The following GLP2R variants were observed in gnomAD, a reference collection of about 807,000 sequenced individuals.
The protein encoded by GLP2R is glucagon like peptide 2 receptor.
GLP2R carries 59 observed loss-of-function variants against 68.2 expected under a neutral mutation model. The observed-to-expected ratio is 0.87, with a 90% CI of 0.70 to 1.07. The LOEUF is 1.07. GLP2R is among the 50% of genes least tolerant of loss of function. The pLI, the probability that GLP2R is intolerant of heterozygous loss-of-function variation, is 0.00. For synonymous variants in GLP2R, 270 were observed against 265.4 expected (o/e 1.02, Z -0.17); for missense variants, 548 against 677.4 (o/e 0.81, Z 2.12).
At chr17:9,848,412 A>G (rs2066860829) in intron 4 of GLP2R, among the ~76,000 whole-genome samples, 1 of 152,130 alleles carries the variant, frequency 6.6e-6, no homozygotes, top group African/African-American at 2.4e-5. Context: ...ACAAATTCTG[A>G]GCCAATTGGT....
chr17:9,855,997 G>C (rs1475969442), intron 5 of GLP2R, among the ~76,000 whole-genome samples: 1 of 152,176 alleles, frequency 6.6e-6, no homozygotes, highest in African/African-American at 2.4e-5. Context: ...CATAGGTGTG[G>C]GAGACCTGGA....
At chr17:9,851,764 T>C (rs1238292239) in intron 4 of GLP2R, among the ~76,000 whole-genome samples, 2 of 151,998 alleles carry the variant, frequency 1.3e-5, no homozygotes, top group Non-Finnish European at 1.5e-5. Flanking sequence ...ATAGTACATA[T>C]AAAGGTAAAT....
At chr17:9,865,318 G>T (rs10709713) in intron 9 of GLP2R, among the ~76,000 whole-genome samples, 5 of 102,068 alleles carry the variant, frequency 4.9e-5, no homozygotes, top group African/African-American at 1.8e-4. Context: ...GTGATTTTGT[G>T]TGTGTGTGTG....
intron 9 of GLP2R, among the ~76,000 whole-genome samples, chr17:9,863,781 C>T (rs766889051): frequency 1.3e-5 from 2 of 152,216 alleles, no homozygotes; most frequent in Admixed American, 6.5e-5. Flanking sequence ...GGCTTCTGCT[C>T]CAGCCCTAGC....
intron 4 of GLP2R, chr17:9,853,310 G>T (rs2066908580): frequency 4.0e-6 from 1 of 247,004 alleles, no homozygotes; most frequent in East Asian, 9.3e-5. Flanking sequence ...GTCCTCCATG[G>T]GGTGGTGGCA....
Position 9,826,095 on chromosome 17 carries a change from G to A in GLP2R, c.32G>A (p.Gly11Glu). Residue 11 changes from glycine (G) to glutamate (E), a missense_variant, in exon 1 of 13, where the codon GGG becomes GAG. Physicochemically the swap from Gly to Glu is moderately conservative, Grantham distance 98 (BLOSUM62 -2). Transcript: ENST00000262441. ...CTGGGATCGAGCAGGGCAGGGCCTGGGAGAGGAAGCGCGGGACTCCTGCCT... is the reference window on the plus strand; with the variant it reads ...CTGGGATCGAGCAGGGCAGGGCCTGAGAGAGGAAGCGCGGGACTCCTGCCT... MKLGSSRAGPGRGSAGLLPGV... is the reference protein window; with the variant it reads MKLGSSRAGPERGSAGLLPGV... 6.2e-7 allele frequency: 1 copy of A among 1,613,022 alleles called. No homozygotes were observed. Among genetic ancestry groups the A allele is most frequent in the Non-Finnish European group, 8.5e-7 (1 of 1,179,686 alleles).
intron 1 of GLP2R, among the ~76,000 whole-genome samples, chr17:9,832,114 G>A (rs989420811): frequency 6.6e-6 from 1 of 152,152 alleles, no homozygotes; most frequent in African/African-American, 2.4e-5. Context: ...ATAGGTGCCT[G>A]ATGAACAATA....
chr17:9,829,089 A>T (rs2066657841), intron 1 of GLP2R, among the ~76,000 whole-genome samples: 1 of 152,166 alleles, frequency 6.6e-6, no homozygotes, highest in Admixed American at 6.5e-5. Flanking sequence ...GTGTTCTGGC[A>T]GGAAGTCTTC....
At chr17:9,848,728 G>T (rs1311195137) in intron 4 of GLP2R, among the ~76,000 whole-genome samples, 1 of 152,074 alleles carries the variant, frequency 6.6e-6, no homozygotes, top group African/African-American at 2.4e-5. Flanking sequence ...CTAATAGAGG[G>T]TTGAAATTTT....
intron 4 of GLP2R, chr17:9,853,345 G>A (rs2066909001): frequency 5.3e-6 from 1 of 189,384 alleles, no homozygotes; most frequent in Non-Finnish European, 1.1e-5. Flanking sequence ...AGAAAAGGTG[G>A]ACAGAGATAA....
intron 11 of GLP2R, among the ~76,000 whole-genome samples, chr17:9,881,075 T>A (rs2067190267): frequency 6.6e-6 from 1 of 152,216 alleles, no homozygotes; most frequent in African/African-American, 2.4e-5. Flanking sequence ...ATTTTTAAAA[T>A]TATTTTTCAT....
chr17:9,868,855 G>C (rs2067065328), intron 9 of GLP2R, among the ~76,000 whole-genome samples: 2 of 152,194 alleles, frequency 1.3e-5, no homozygotes, highest in African/African-American at 4.8e-5. Context: ...CCTTTCTGCT[G>C]TTAAGCTTGC....
intron 6 of GLP2R, 124 bp from the exon 7 acceptor site, chr17:9,859,818 T>TTAA (rs2066969208): frequency 2.6e-6 from 1 of 381,216 alleles, no homozygotes; most frequent in African/African-American, 6.1e-5. Context: ...AGATTCTGTC[T>TTAA]CAAAAAAAAA....
At chr17:9,888,937 G>A (rs1241721623) in intron 12 of GLP2R, among the ~76,000 whole-genome samples, 3 of 152,128 alleles carry the variant, frequency 2.0e-5, no homozygotes, top group Admixed American at 6.5e-5. Flanking sequence ...CCTACTACAA[G>A]TGTAAATATT....
At chr17:9,861,306 A>T in intron 8 of GLP2R, 107 bp downstream of exon 8, 2 of 767,714 alleles carry the variant, frequency 2.6e-6, no homozygotes, top group South Asian at 3.3e-5. Context: ...ATCCCTTCTC[A>T]TTTTGGCCAT....
chr17:9,832,028 T>C (rs1392394259), intron 1 of GLP2R, among the ~76,000 whole-genome samples: 1 of 152,160 alleles, frequency 6.6e-6, no homozygotes, highest in Non-Finnish European at 1.5e-5. Flanking sequence ...TTCTAAGTCC[T>C]TTTTAGGGTA....
At chr17:9,832,036 G>T (rs1162847126) in intron 1 of GLP2R, among the ~76,000 whole-genome samples, 1 of 152,178 alleles carries the variant, frequency 6.6e-6, no homozygotes. Context: ...CCTTTTTAGG[G>T]TAGGGGCTGT....
intron 3 of GLP2R, among the ~76,000 whole-genome samples, chr17:9,842,034 G>T (rs1335904960): frequency 2.0e-5 from 3 of 152,198 alleles, no homozygotes; most frequent in African/African-American, 4.8e-5. Context: ...ACAGAGGAAG[G>T]CTTAGAGGTT....
rs567458530 is a variant in GLP2R, at chr17:9,890,879, T to C, written c.*1174T>C. ...GATCTTTCCTGCCTACTGTGACCCA[T>C]GGAGGCTGAGGAGGGCCCAGGCAGT... On this transcript the variant is annotated 3_prime_UTR_variant, in exon 13 of 13. Transcript: ENST00000262441. 1.3e-5 allele frequency: 2 copies of C among 152,332 alleles called. No homozygotes were observed. Among genetic ancestry groups the C allele is most frequent in the East Asian group, 3.9e-4 (2 of 5,170 alleles). The allele number at this position is 152,332 out of a possible 1,614,324, so 9.4% of individuals were successfully genotyped here. A position where few individuals can be genotyped will look rare whatever the true frequency, so the allele number is the denominator to read the frequency against.
Sources: allele counts gnomAD v4.1 joint callset (sites outside exome capture counted in the v4.1 genomes callset), GRCh38; gene constraint gnomAD v4.1.1; transcripts MANE v1.5; gene names NCBI Gene and HGNC (gene_info 2026-07-23, HGNC 2026-07-21).